Variants in PRKAG2 observed in about 807,000 individuals in gnomAD.
The protein encoded by PRKAG2 is 5'-AMP-activated protein kinase subunit gamma-2.
Under a neutral mutation model 69.6 loss-of-function variants are expected in PRKAG2, and 26 were observed. The observed-to-expected ratio is 0.37, with a 90% confidence interval of 0.27 to 0.52. The LOEUF is 0.52. Among genes scored for constraint, PRKAG2 ranks in the 20% least tolerant of loss-of-function variants. PRKAG2 has a pLI of 0.90. For synonymous variants in PRKAG2, 293 were observed against 285.0 expected (o/e 1.03, Z -0.28); for missense variants, 557 against 740.0 (o/e 0.75, Z 2.87).
intron 1 of PRKAG2, among the ~76,000 whole-genome samples, chr7:151,818,431 G>A (rs2078695785): frequency 6.6e-6 from 1 of 151,722 alleles, no homozygotes; most frequent in African/African-American, 2.4e-5. Flanking sequence ...TGCATGCCAA[G>A]CTCACGTCCC....
chr7:151,563,929 G>A, intron 14 of PRKAG2, 149 bp downstream of exon 14: 1 of 1,037,922 alleles, frequency 9.6e-7, no homozygotes, highest in Non-Finnish European at 1.5e-6. Context: ...AGTGTGCCAG[G>A]TTCTGGGACA....
intron 1 of PRKAG2, among the ~76,000 whole-genome samples, chr7:151,854,367 C>T (rs1380893609): frequency 5.3e-5 from 8 of 152,374 alleles, no homozygotes; most frequent in African/African-American, 1.7e-4. Flanking sequence ...TAGCAGCACA[C>T]GGACCAGCTG....
intron 1 of PRKAG2, among the ~76,000 whole-genome samples, chr7:151,845,215 G>C (rs1038007019): frequency 2.6e-5 from 4 of 151,954 alleles, no homozygotes; most frequent in Non-Finnish European, 4.4e-5. Context: ...CCTCGTCTGT[G>C]GCCTGCTTGA....
chr7:151,690,492 C>G (rs1396015471), intron 3 of PRKAG2, among the ~76,000 whole-genome samples: 1 of 152,156 alleles, frequency 6.6e-6, no homozygotes, highest in Non-Finnish European at 1.5e-5. Context: ...AGAAGGCAGG[C>G]CGGATACTCC....
At chr7:151,589,572 C>T (rs895543725) in intron 6 of PRKAG2, among the ~76,000 whole-genome samples, 3 of 152,214 alleles carry the variant, frequency 2.0e-5, no homozygotes, top group Non-Finnish European at 4.4e-5. Context: ...TTAACATTTG[C>T]TTATGTTCTT....
intron 3 of PRKAG2, among the ~76,000 whole-genome samples, chr7:151,686,231 T>C (rs880915): frequency 0.32 from 49,105 of 152,122 alleles, 8,853 homozygotes; most frequent in East Asian, 0.6. Context: ...ATGTGAGCTG[T>C]GTGACGTTCC....
At position 151,781,229 on chromosome 7, in the gene PRKAG2, G is replaced by T. The variant is rs748790230; in HGVS notation, c.389C>A (p.Ser130Tyr). Reference sequence around the variant, plus strand: ...GGAGTTGGGGGAAGACTCTTTGGAGGAGGAGCGGAAGATCCCACTGAAGCT... The same window carrying T: ...GGAGTTGGGGGAAGACTCTTTGGAGTAGGAGCGGAAGATCCCACTGAAGCT... The part of the protein sequence containing the change: ...RMSFSGIFRS[S>Y]SKESSPNSNP... Residue 130 changes from serine (S) to tyrosine (Y), a missense_variant, in exon 3 of 16, where the codon TCC (serine) becomes TAC (tyrosine). This residue lies in a region of PRKAG2 where 352 missense variants were observed against 356.7 expected (regional missense o/e 0.99). Coordinates refer to ENST00000287878, the MANE Select transcript of PRKAG2 (RefSeq NM_016203.4). This position sits in a 1 kb window ranked among gnomAD's most constrained non-coding sequence, Gnocchi z 6.1. 15 of 1,614,118 alleles carry T rather than the reference G, an allele frequency of 9.3e-6. No individual in the cohort carries two copies. In the Admixed American group the frequency reaches 2.5e-4, roughly 27 times the overall value.
chr7:151,652,179 T>TA (rs575128276), intron 4 of PRKAG2, among the ~76,000 whole-genome samples: 220 of 152,286 alleles, frequency 1.4e-3, no homozygotes, highest in African/African-American at 5.1e-3. Flanking sequence ...GTTAAATATT[T>TA]AAAAAACCCC....
At chr7:151,765,021 C>G (rs2075656289) in intron 3 of PRKAG2, among the ~76,000 whole-genome samples, 1 of 152,204 alleles carries the variant, frequency 6.6e-6, no homozygotes, top group Non-Finnish European at 1.5e-5. Context: ...GCCAGGGGGG[C>G]TTAAGCAATG....
At chr7:151,696,888 G>A (rs1281065840) in intron 3 of PRKAG2, among the ~76,000 whole-genome samples, 1 of 152,024 alleles carries the variant, frequency 6.6e-6, no homozygotes, top group Non-Finnish European at 1.5e-5. Flanking sequence ...AGCAGCTCTT[G>A]GGAGCAGACA....
chr7:151,785,057 A>T (rs1020958357), intron 2 of PRKAG2, among the ~76,000 whole-genome samples: 1 of 152,232 alleles, frequency 6.6e-6, no homozygotes, highest in African/African-American at 2.4e-5. Context: ...TAGCCAAATG[A>T]TATGTTGGTG....
At chr7:151,673,131 C>T (rs1370472677) in intron 4 of PRKAG2, among the ~76,000 whole-genome samples, 1 of 152,166 alleles carries the variant, frequency 6.6e-6, no homozygotes, top group African/African-American at 2.4e-5. Context: ...GGCTTGTCCC[C>T]AGCACAAAGC....
chr7:151,584,298 C>T (rs1189223720), intron 6 of PRKAG2, among the ~76,000 whole-genome samples: 1 of 152,126 alleles, frequency 6.6e-6, no homozygotes, highest in Non-Finnish European at 1.5e-5. Context: ...AGATGGCTGG[C>T]TTACTGCTCT....
intron 1 of PRKAG2, among the ~76,000 whole-genome samples, chr7:151,792,297 G>T (rs190460359): frequency 1.3e-5 from 2 of 152,310 alleles, no homozygotes; most frequent in African/African-American, 4.8e-5. Context: ...AGCTGGTGTT[G>T]CAAGGAACAG....
chr7:151,654,394 T>C (rs1339309372), intron 4 of PRKAG2, among the ~76,000 whole-genome samples: 1 of 152,200 alleles, frequency 6.6e-6, no homozygotes, highest in Non-Finnish European at 1.5e-5. Context: ...CTATTTTTTC[T>C]CTATGCCTAT....
At chr7:151,749,608 C>A (rs2074528017) in intron 3 of PRKAG2, among the ~76,000 whole-genome samples, 1 of 152,074 alleles carries the variant, frequency 6.6e-6, no homozygotes, top group South Asian at 2.1e-4. Flanking sequence ...AGAACTACAA[C>A]TCTACAACAA....
chr7:151,843,062 G>C (rs75116588), intron 1 of PRKAG2, among the ~76,000 whole-genome samples: 1 of 151,978 alleles, frequency 6.6e-6, no homozygotes, highest in African/African-American at 2.4e-5. Context: ...ATACACGCAG[G>C]CCATGCTTTT....
chr7:151,682,107 T>C (rs1199774409), intron 3 of PRKAG2, among the ~76,000 whole-genome samples: 1 of 152,228 alleles, frequency 6.6e-6, no homozygotes, highest in East Asian at 1.9e-4. Context: ...GTTTATGCTA[T>C]TCAATCAGTA....
chr7:151,560,260 G>T, intron 15 of PRKAG2: 1 of 1,353,000 alleles, frequency 7.4e-7, no homozygotes, highest in Non-Finnish European at 9.6e-7. Context: ...TGATGAACAT[G>T]GCAATGGCTC....
Sources: allele counts gnomAD v4.1 joint callset (sites outside exome capture counted in the v4.1 genomes callset), GRCh38; gene constraint gnomAD v4.1.1; regional missense constraint gnomAD v4.1.1; non-coding constraint Gnocchi (gnomAD v3.1); transcripts MANE v1.5; gene names NCBI Gene and HGNC (gene_info 2026-07-23, HGNC 2026-07-21).